The following IRGM variants were observed in gnomAD, a reference collection of about 807,000 sequenced individuals.
IRGM encodes the protein immunity related GTPase M, also known as immunity-related GTPase family M protein.
For missense variants in IRGM, 288 were observed against 219.9 expected (o/e 1.31, Z -1.96); for synonymous variants, 98 against 80.6 (o/e 1.22, Z -1.16).
rs1423888779 is a variant in IRGM, at chr5:150,870,650, C to T, written c.159-7330C>T. ...CAATAGGGAATATGAGATTTTTTTCCTGGTCCTAGGATGGTAGAGAGAAGT... is the reference window on the plus strand; with the variant it reads ...CAATAGGGAATATGAGATTTTTTTCTTGGTCCTAGGATGGTAGAGAGAAGT... On this transcript the variant is annotated intron_variant and NMD_transcript_variant, in intron 1 of 3. Coordinates refer to the IRGM transcript ENST00000520549. 1.3e-4 allele frequency among the ~76,000 whole-genome samples: 19 copies of T among 151,368 alleles called. 1 individual carries two copies. The highest frequency in any genetic ancestry group is 1.3e-3 in the Admixed American group (19 of 15,172).
downstream of IRGM, among the ~76,000 whole-genome samples, chr5:150,849,984 CAAAT>C (rs1006701911): frequency 3.9e-5 from 6 of 152,040 alleles, no homozygotes; most frequent in Non-Finnish European, 7.4e-5. Flanking sequence ...AGTCCCAAGT[CAAAT>C]AAAGCAATTG....
intron 3 of IRGM, chr5:150,897,914 G>C: frequency 1.2e-6 from 1 of 837,768 alleles, no homozygotes; most frequent in East Asian, 2.6e-5. Flanking sequence ...ACAACAAATA[G>C]AACTCCTCTG....
chr5:150,869,902 G>T (rs1249593722), intron 1 of IRGM, among the ~76,000 whole-genome samples: 4 of 151,960 alleles, frequency 2.6e-5, no homozygotes, highest in Non-Finnish European at 1.5e-5. Context: ...GTCTCATGTT[G>T]CTCTCAATAT....
intron 3 of IRGM, chr5:150,895,659 C>T (rs1291070352): frequency 1.2e-5 from 20 of 1,613,054 alleles, no homozygotes; most frequent in Non-Finnish European, 1.6e-5. Flanking sequence ...GAAGGCTTTC[C>T]CACATTCAGT....
At chr5:150,901,532 C>T (rs1239958400), downstream of IRGM, among the ~76,000 whole-genome samples, 1 of 151,908 alleles carries the variant, frequency 6.6e-6, no homozygotes, top group Non-Finnish European at 1.5e-5. Flanking sequence ...AAAACAAAAA[C>T]AACAATGAAA....
intron 1 of IRGM, among the ~76,000 whole-genome samples, chr5:150,875,892 T>C (rs1754355532): frequency 6.6e-6 from 1 of 152,300 alleles, no homozygotes; most frequent in Middle Eastern, 3.4e-3. Context: ...CAATTTGTCC[T>C]CACTGGAATA....
At chr5:150,883,375 A>T (rs1398162036) in intron 3 of IRGM, among the ~76,000 whole-genome samples, 2 of 138,720 alleles carry the variant, frequency 1.4e-5, no homozygotes, top group South Asian at 4.5e-4. Context: ...CTAAGCCTAG[A>T]GTAGTAGAAA....
intron 3 of IRGM, chr5:150,896,551 T>C: frequency 6.2e-7 from 1 of 1,613,760 alleles, no homozygotes; most frequent in Non-Finnish European, 8.5e-7. Flanking sequence ...TTCTCAAGAT[T>C]AGAATTGGGC....
intron 3 of IRGM, among the ~76,000 whole-genome samples, chr5:150,888,395 A>G (rs1328576012): frequency 6.6e-6 from 1 of 152,060 alleles, no homozygotes; most frequent in African/African-American, 2.4e-5. Context: ...TAGATAGATC[A>G]TTGAGGCAGA....
intron 3 of IRGM, among the ~76,000 whole-genome samples, chr5:150,890,052 C>T (rs1044519910): frequency 6.6e-6 from 1 of 151,950 alleles, no homozygotes; most frequent in African/African-American, 2.4e-5. Context: ...CTATCCCTTC[C>T]TCTTCAATTT....
chr5:150,887,145 A>G (rs553512723), intron 3 of IRGM, among the ~76,000 whole-genome samples: 203 of 152,170 alleles, frequency 1.3e-3, no homozygotes, highest in Non-Finnish European at 1.0e-3. Context: ...AACAAAGATC[A>G]TGAAGATTCA....
chr5:150,864,621 A>G (rs1338406810), intron 1 of IRGM, among the ~76,000 whole-genome samples: 2 of 152,226 alleles, frequency 1.3e-5, no homozygotes, highest in Non-Finnish European at 2.9e-5. Context: ...TCTGCTTTAC[A>G]GAATGGCAAA....
At chr5:150,853,928 A>G (rs1754011689) in intron 1 of IRGM, among the ~76,000 whole-genome samples, 1 of 152,096 alleles carries the variant, frequency 6.6e-6, no homozygotes, top group Non-Finnish European at 1.5e-5. Flanking sequence ...ATTTAAAGCA[A>G]TTACTGATAA....
At chr5:150,854,121 A>G (rs754584722) in intron 1 of IRGM, among the ~76,000 whole-genome samples, 16 of 151,994 alleles carry the variant, frequency 1.1e-4, no homozygotes, top group Non-Finnish European at 2.2e-4. Context: ...TGGAGGTTAC[A>G]TGTGACAGTA....
chr5:150,872,729 A>G (rs1289654514), intron 1 of IRGM, among the ~76,000 whole-genome samples: 1 of 152,138 alleles, frequency 6.6e-6, no homozygotes, highest in African/African-American at 2.4e-5. Flanking sequence ...TGGTTAGCTG[A>G]AATATGGGTT....
At chr5:150,877,195 G>A (rs1754377570) in intron 1 of IRGM, among the ~76,000 whole-genome samples, 1 of 152,192 alleles carries the variant, frequency 6.6e-6, no homozygotes, top group Admixed American at 6.5e-5. Context: ...CTTGATTGGA[G>A]TGAAGGATGC....
rs189048810 is a variant in IRGM at position 150,885,226 on chromosome 5, G to C, written c.*140+5580G>C. ...CTTTGTTGAAGATCAGATGGTCCCA[G>C]GTGTGCAGCCTTATTTTGGAGCTCT... is the stretch of plus-strand genomic sequence containing the variant. On this transcript the variant is annotated intron_variant and NMD_transcript_variant, in intron 3 of 3. Coordinates refer to the IRGM transcript ENST00000520549. 7.7e-4 allele frequency among the ~76,000 whole-genome samples: 117 copies of C among 152,118 alleles called. 2 individuals carry two copies. The highest frequency in any genetic ancestry group is 2.7e-3 in the African/African-American group (114 of 41,534).
intron 3 of IRGM, among the ~76,000 whole-genome samples, chr5:150,882,843 C>G (rs1403491219): frequency 6.6e-6 from 1 of 152,120 alleles, no homozygotes. Flanking sequence ...AAACATCAGA[C>G]TTAAACTACA....
chr5:150,881,657 A>G (rs185219348), intron 3 of IRGM, among the ~76,000 whole-genome samples: 5,840 of 152,278 alleles, frequency 0.038, 178 homozygotes, highest in East Asian at 0.16. Flanking sequence ...ATTAAAAATA[A>G]TAATAGCAAT....
Sources: allele counts gnomAD v4.1 joint callset (sites outside exome capture counted in the v4.1 genomes callset), GRCh38; gene constraint gnomAD v4.1.1; transcripts MANE v1.5; gene names NCBI Gene and HGNC (gene_info 2026-07-23, HGNC 2026-07-21).